THSD4: variants seen among roughly 807,000 people sequenced by gnomAD.
The protein encoded by THSD4 is thrombospondin type-1 domain-containing protein 4.
THSD4 carries 69 observed loss-of-function variants against 119.0 expected under a neutral mutation model. The observed-to-expected ratio is 0.58, with a 90% CI of 0.48 to 0.71. The LOEUF (loss-of-function observed/expected upper bound fraction) is 0.71, where lower values mean the gene tolerates loss of function less well. THSD4 is among the 30% of genes least tolerant of loss of function. THSD4 has a pLI of 0.00. For missense variants in THSD4, 1,393 were observed against 1,391.1 expected, an observed-to-expected ratio of 1.00 and a Z score of -0.02; for synonymous variants, 524 against 540.4, an observed-to-expected ratio of 0.97 and a Z score of 0.42.
chr15:71,428,701 A>G (rs962762369), intron 7 of THSD4, among the ~76,000 whole-genome samples: 6 of 152,214 alleles, frequency 3.9e-5, no homozygotes, highest in African/African-American at 1.2e-4. Context: ...TCTTTGTTTC[A>G]TATTTTTAAT....
chr15:71,713,849 G>C (rs1416110992), intron 8 of THSD4, among the ~76,000 whole-genome samples: 1 of 152,152 alleles, frequency 6.6e-6, no homozygotes, highest in Non-Finnish European at 1.5e-5. Flanking sequence ...TAGTTAAAAG[G>C]ATTTGTGGAT....
chr15:71,117,730 C>T (rs939919319), intron 1 of THSD4, among the ~76,000 whole-genome samples: 8 of 152,324 alleles, frequency 5.3e-5, no homozygotes, highest in South Asian at 2.1e-4. Context: ...TCTGATTTCA[C>T]CACATCATTT....
At chr15:71,223,194 G>T (rs1292163612) in intron 4 of THSD4, among the ~76,000 whole-genome samples, 1 of 152,160 alleles carries the variant, frequency 6.6e-6, no homozygotes, top group Non-Finnish European at 1.5e-5. Flanking sequence ...AAACTCAAGG[G>T]TCAGGGAGTA....
intron 11 of THSD4, among the ~76,000 whole-genome samples, chr15:71,741,469 G>A (rs1265289645): frequency 1.3e-5 from 2 of 151,894 alleles, no homozygotes; most frequent in Non-Finnish European, 2.9e-5. Context: ...CTCCAGCCTG[G>A]GCAACAGAGC....
At chr15:71,257,920 G>C (rs567091209) in intron 6 of THSD4, among the ~76,000 whole-genome samples, 1 of 152,008 alleles carries the variant, frequency 6.6e-6, no homozygotes, top group African/African-American at 2.4e-5. Flanking sequence ...ACATACAACG[G>C]GTGGGGAACA....
At chr15:71,415,680 C>T (rs2046750443) in intron 7 of THSD4, among the ~76,000 whole-genome samples, 1 of 152,142 alleles carries the variant, frequency 6.6e-6, no homozygotes, top group East Asian at 1.9e-4. Flanking sequence ...TCCCCTTTAA[C>T]CCCCAACTAC....
chr15:71,161,611 C>T (rs1357667973), intron 3 of THSD4, among the ~76,000 whole-genome samples: 1 of 151,896 alleles, frequency 6.6e-6, no homozygotes, highest in African/African-American at 2.4e-5. Context: ...TCTACCTCTT[C>T]ACTTTCAGTC....
intron 7 of THSD4, among the ~76,000 whole-genome samples, chr15:71,583,809 T>G (rs1013398949): frequency 2.6e-5 from 4 of 152,188 alleles, no homozygotes; most frequent in African/African-American, 9.7e-5. Context: ...TGTTAAGACT[T>G]GTTTTGGGCA....
chr15:71,209,746 T>G (rs1432548444), intron 3 of THSD4, among the ~76,000 whole-genome samples: 1 of 152,154 alleles, frequency 6.6e-6, no homozygotes, highest in Non-Finnish European at 1.5e-5. Context: ...TCTTGAACTG[T>G]ATGTAGGTCC....
chr15:71,233,474 T>C (rs2044077247), intron 4 of THSD4, among the ~76,000 whole-genome samples: 1 of 152,178 alleles, frequency 6.6e-6, no homozygotes, highest in African/African-American at 2.4e-5. Flanking sequence ...ACATTTTTTC[T>C]TTAAAAAAAA....
intron 7 of THSD4, among the ~76,000 whole-genome samples, chr15:71,554,457 C>T (rs764662444): frequency 2.6e-5 from 4 of 152,066 alleles, no homozygotes; most frequent in African/African-American, 4.8e-5. Flanking sequence ...GCCCCAATCA[C>T]GTCTCACTGC....
At chr15:71,698,406 A>T (rs891128696) in intron 8 of THSD4, among the ~76,000 whole-genome samples, 8 of 152,004 alleles carry the variant, frequency 5.3e-5, no homozygotes, top group Non-Finnish European at 1.2e-4. Flanking sequence ...TGCAGCCACT[A>T]TGAAAAACAG....
chr15:71,285,658 A>G (rs890536214), intron 6 of THSD4, among the ~76,000 whole-genome samples: 2 of 152,144 alleles, frequency 1.3e-5, no homozygotes, highest in African/African-American at 4.8e-5. Flanking sequence ...GATTGAGACC[A>G]GTCTGGCCAA....
intron 7 of THSD4, among the ~76,000 whole-genome samples, chr15:71,511,712 C>T (rs2048285992): frequency 6.6e-6 from 1 of 152,136 alleles, no homozygotes; most frequent in African/African-American, 2.4e-5. Context: ...TATTTCTTGT[C>T]ATATTTTATA....
At chr15:71,452,899 G>A (rs1005336239) in intron 7 of THSD4, among the ~76,000 whole-genome samples, 2 of 152,202 alleles carry the variant, frequency 1.3e-5, no homozygotes, top group African/African-American at 2.4e-5. Flanking sequence ...ACAGGCATGA[G>A]CCACTGCACC....
chr15:71,247,992 T>C (rs1235742593), intron 5 of THSD4, among the ~76,000 whole-genome samples: 1 of 152,180 alleles, frequency 6.6e-6, no homozygotes, highest in Non-Finnish European at 1.5e-5. Context: ...CCAGACTCAG[T>C]TGGGCTTGAT....
At chr15:71,593,514 C>G (rs2049848213) in intron 7 of THSD4, among the ~76,000 whole-genome samples, 1 of 151,418 alleles carries the variant, frequency 6.6e-6, no homozygotes, top group African/African-American at 2.4e-5. Context: ...TAAAAGCACC[C>G]TAACTCGCTG....
intron 7 of THSD4, among the ~76,000 whole-genome samples, chr15:71,647,288 A>G (rs2050988865): frequency 6.6e-6 from 1 of 152,218 alleles, no homozygotes; most frequent in Admixed American, 6.5e-5. Flanking sequence ...TAAAGTTGCA[A>G]GAGAACGGAA....
At chr15:71,690,595 A>C (rs749516063) in intron 8 of THSD4, among the ~76,000 whole-genome samples, 1 of 152,204 alleles carries the variant, frequency 6.6e-6, no homozygotes, top group Non-Finnish European at 1.5e-5. Context: ...AGTCCATTTC[A>C]CACTGCTGAT....
Sources: gnomAD v4.1 joint callset for allele counts (sites outside exome capture counted in the v4.1 genomes callset) on GRCh38, gnomAD v4.1.1 for gene constraint, MANE v1.5 for transcripts, NCBI Gene and HGNC (gene_info 2026-07-23, HGNC 2026-07-21) for gene names.